The following PHYKPL variants were observed in gnomAD, a reference collection of about 807,000 sequenced individuals.
PHYKPL encodes 5-phosphohydroxy-L-lysine phospho-lyase, also known as 5-phosphonooxy-L-lysine phospho-lyase.
In PHYKPL, 42 loss-of-function variants were observed where a neutral mutation model predicts 51.3. The ratio of observed to expected loss-of-function variants is 0.82; its 90% CI spans 0.64 to 1.06. PHYKPL has a LOEUF of 1.06. Ranked by LOEUF, PHYKPL falls within the 50% of genes least tolerant of loss-of-function variation. PHYKPL has a pLI of 0.00. For synonymous variants in PHYKPL, 264 were observed against 236.0 expected, an observed-to-expected ratio of 1.12 and a Z score of -1.09; for missense variants, 655 against 586.6, an observed-to-expected ratio of 1.12 and a Z score of -1.20.
intron 10 of PHYKPL, 98 bp downstream of exon 10, chr5:178,214,698 G>T: frequency 1.8e-6 from 2 of 1,107,108 alleles, no homozygotes; most frequent in Non-Finnish European, 2.7e-6. Context: ...GGCCCAGAGT[G>T]CTGGGGGTAC....
intron 10 of PHYKPL, 106 bp downstream of exon 10, chr5:178,214,690 C>A: frequency 9.8e-7 from 1 of 1,015,408 alleles, no homozygotes; most frequent in South Asian, 1.4e-5. Flanking sequence ...AAGTCTGTGG[C>A]CCAGAGTGCT....
rs191538063 is a variant in PHYKPL at position 178,213,506 on chromosome 5, G to A, written c.1173-403C>T. 4.7e-3 allele frequency among the ~76,000 whole-genome samples: 668 copies of A among 141,838 alleles called. 6 individuals are homozygous for A. Among genetic ancestry groups the A allele is most frequent in the African/African-American group, 0.019 (605 of 32,378 alleles). The allele number at this position is 141,838 out of a possible 152,430, so 93.1% of individuals were successfully genotyped here. A position where few individuals can be genotyped will look rare whatever the true frequency, so the allele number is the denominator to read the frequency against. Reference sequence around the variant, plus strand: ...TTGCAGTTGGTGTAATGAGCTCCACGTGCCCCTCACCAGCTTCAGGCATCT... The same window carrying A: ...TTGCAGTTGGTGTAATGAGCTCCACATGCCCCTCACCAGCTTCAGGCATCT... On this transcript the variant is annotated intron_variant, in intron 10 of 12. Transcript: ENST00000308158.
rs993517880 is a variant in PHYKPL at position 178,232,701 on chromosome 5, T to A, written c.-151A>T. Reference sequence around the variant, plus strand: ...CGGCCCCGCCCCGAAGCGCCCGCGTTGCGGTGGTTCATTTCTTCGCTTGCC... The same window carrying A: ...CGGCCCCGCCCCGAAGCGCCCGCGTAGCGGTGGTTCATTTCTTCGCTTGCC... On this transcript the variant is annotated 5_prime_UTR_variant, in exon 1 of 13. Coordinates refer to ENST00000308158, the MANE Select transcript of PHYKPL (RefSeq NM_153373.4). The A allele has an allele frequency of 1.5e-5, 13 of 874,446 alleles. No homozygotes were observed. The highest frequency in any genetic ancestry group is 1.9e-5 in the Non-Finnish European group (13 of 667,238). 54.2% of individuals were successfully genotyped at this position (874,446 alleles called of 1,614,324 possible). A position where few individuals can be genotyped will look rare whatever the true frequency, so the allele number is the denominator to read the frequency against.
downstream of PHYKPL, among the ~76,000 whole-genome samples, chr5:178,208,158 A>G (rs915437762): frequency 1.3e-5 from 2 of 152,126 alleles, no homozygotes; most frequent in South Asian, 2.1e-4. Flanking sequence ...TCAGGCTTCA[A>G]GTTGGCAGTT....
rs747362823 is a variant in PHYKPL, at chr5:178,231,463, C to T, written c.120G>A (p.Gln40=). ...DPVKIVRAQG[Q]YMYDEQGAEY... ...CTGCCCCCTGTTCATCGTACATGTACTGCCCTTGGGCCCGGACAATCTTAA... is the reference window on the plus strand; with the variant it reads ...CTGCCCCCTGTTCATCGTACATGTATTGCCCTTGGGCCCGGACAATCTTAA... The change falls in exon 2 of 13, where the codon CAG becomes CAA. Residue 40 remains glutamine (Q), a synonymous_variant. Coordinates refer to ENST00000308158, the MANE Select transcript of PHYKPL (RefSeq NM_153373.4). The T allele has an allele frequency of 5.0e-6, 8 of 1,614,204 alleles. No individual in the cohort carries two copies. Among genetic ancestry groups the T allele is most frequent in the Non-Finnish European group, 5.9e-6 (7 of 1,180,032 alleles).
At chr5:178,231,643 G>A in intron 1 of PHYKPL, 120 bp from the exon 2 acceptor site, 1 of 1,601,932 alleles carries the variant, frequency 6.2e-7, no homozygotes, top group Non-Finnish European at 8.5e-7. Context: ...AATGAGAGCT[G>A]GAAGGGCAAG....
intron 12 of PHYKPL, chr5:178,210,053 A>G: frequency 1.9e-6 from 3 of 1,572,018 alleles, no homozygotes; most frequent in South Asian, 1.2e-5. Context: ...CTGCCACCCC[A>G]AAGGGCAGGA....
chr5:178,215,538 G>C, intron 8 of PHYKPL, 108 bp from the exon 9 acceptor site: 2 of 1,362,860 alleles, frequency 1.5e-6, no homozygotes, highest in Non-Finnish European at 2.0e-6. Context: ...CCAGTGGCAA[G>C]AGCAGAGGCC....
chr5:178,230,209 G>C (rs920952450), intron 2 of PHYKPL, 110 bp from the exon 3 acceptor site: 1 of 1,409,916 alleles, frequency 7.1e-7, no homozygotes, highest in Non-Finnish European at 9.8e-7. Context: ...GTTCTAGAGG[G>C]AGAGGTAGAA....
chr5:178,211,643 A>G (rs1474843908), intron 12 of PHYKPL: 1 of 459,082 alleles, frequency 2.2e-6, no homozygotes, highest in Non-Finnish European at 3.9e-6. Flanking sequence ...ACAAGAGGCA[A>G]GGGTGGGTTG....
intron 11 of PHYKPL, 113 bp from the exon 12 acceptor site, chr5:178,212,083 T>G: frequency 9.1e-7 from 1 of 1,103,700 alleles, no homozygotes; most frequent in Middle Eastern, 2.0e-4. Flanking sequence ...CCTCTGGCTA[T>G]CCACACCCAT....
intron 12 of PHYKPL, chr5:178,210,674 G>A: frequency 1.4e-6 from 2 of 1,388,102 alleles, no homozygotes; most frequent in Non-Finnish European, 2.1e-6. Context: ...GTTTGGATAT[G>A]GAGTGAACAC....
chr5:178,212,813 T>C (rs1005528800), intron 11 of PHYKPL, among the ~76,000 whole-genome samples, 160 bp downstream of exon 11: 55 of 152,214 alleles, frequency 3.6e-4, no homozygotes, highest in Admixed American at 2.6e-3. Flanking sequence ...TAGGAGCAGA[T>C]TGGGCCATGA....
intron 10 of PHYKPL, 35 bp from the exon 11 acceptor site, chr5:178,213,138 A>G: frequency 6.2e-7 from 1 of 1,610,144 alleles, no homozygotes; most frequent in Non-Finnish European, 8.5e-7. Context: ...CATGGCCTTC[A>G]AGGCCTTCCT....
intron 9 of PHYKPL, 100 bp downstream of exon 9, chr5:178,215,176 C>G (rs2913748): frequency 1.3e-6 from 2 of 1,557,556 alleles, no homozygotes; most frequent in Non-Finnish European, 1.8e-6. Context: ...CTCTTGAGAG[C>G]GGACATAACC....
intron 9 of PHYKPL, 100 bp downstream of exon 9, chr5:178,215,176 C>T (rs2913748): frequency 0.51 from 798,010 of 1,556,006 alleles, 205,806 homozygotes; most frequent in Middle Eastern, 0.61. Flanking sequence ...CTCTTGAGAG[C>T]GGACATAACC....
chr5:178,229,895 T>C (rs763855387), intron 3 of PHYKPL, 45 bp downstream of exon 3: 1 of 1,598,244 alleles, frequency 6.3e-7, no homozygotes, highest in Admixed American at 1.7e-5. Context: ...ACTGTCTTTG[T>C]TACCGTCTCA....
chr5:178,209,240 C>A, intron 12 of PHYKPL: 1 of 1,012,762 alleles, frequency 9.9e-7, no homozygotes, highest in Non-Finnish European at 1.6e-6. Flanking sequence ...ACCTGATCCA[C>A]CATTTGATGT....
intron 3 of PHYKPL, chr5:178,228,522 A>G: frequency 1.4e-6 from 1 of 702,482 alleles, no homozygotes; most frequent in Non-Finnish European, 2.6e-6. Flanking sequence ...CTCTTTCCAG[A>G]GGCTCCAGCT....
Sources: gnomAD v4.1 joint callset for allele counts (sites outside exome capture counted in the v4.1 genomes callset) on GRCh38, gnomAD v4.1.1 for gene constraint, MANE v1.5 for transcripts, NCBI Gene and HGNC (gene_info 2026-07-23, HGNC 2026-07-21) for gene names.